The following ANGPT1 variants were observed in gnomAD, a reference collection of about 807,000 sequenced individuals.
ANGPT1 encodes the protein angiopoietin 1.
In ANGPT1, 17 loss-of-function variants were observed where a neutral mutation model predicts 62.2. That is an observed-to-expected ratio of 0.27 (90% CI 0.19 to 0.41). The LOEUF (loss-of-function observed/expected upper bound fraction) is 0.41. ANGPT1 is among the 10% of genes least tolerant of loss of function. The pLI is 1.00. For missense variants in ANGPT1, 478 were observed against 594.9 expected (o/e 0.80, Z 2.04); for synonymous variants, 199 against 198.9 (o/e 1.00, Z 0.00).
intron 1 of ANGPT1, among the ~76,000 whole-genome samples, chr8:107,488,388 G>A (rs567913513): frequency 1.3e-5 from 2 of 152,080 alleles, no homozygotes; most frequent in Non-Finnish European, 2.9e-5. Context: ...GATGCCCTGC[G>A]GAATGCTCTT....
intron 2 of ANGPT1, among the ~76,000 whole-genome samples, chr8:107,341,427 T>G (rs1252925531): frequency 6.6e-6 from 1 of 152,002 alleles, no homozygotes. Context: ...TTAAATGGAC[T>G]ATTAAATCTT....
chr8:107,336,311 G>T (rs764703162), intron 2 of ANGPT1, 40 bp from the exon 3 acceptor site: 3 of 1,548,978 alleles, frequency 1.9e-6, no homozygotes, highest in South Asian at 2.5e-5. Flanking sequence ...CTTCAGTCAC[G>T]AATCAAAGAA....
At chr8:107,386,347 A>C (rs868412615) in intron 1 of ANGPT1, among the ~76,000 whole-genome samples, 1 of 152,092 alleles carries the variant, frequency 6.6e-6, no homozygotes, top group Non-Finnish European at 1.5e-5. Flanking sequence ...GCAACATGCA[A>C]TTTACCCATG....
chr8:107,387,218 T>A (rs998018524), intron 1 of ANGPT1, among the ~76,000 whole-genome samples: 1 of 152,046 alleles, frequency 6.6e-6, no homozygotes, highest in Non-Finnish European at 1.5e-5. Context: ...ATACTAAGGA[T>A]CAAAGGTGCC....
intron 1 of ANGPT1, among the ~76,000 whole-genome samples, chr8:107,373,106 C>T (rs1292696153): frequency 6.6e-6 from 1 of 152,134 alleles, no homozygotes; most frequent in Non-Finnish European, 1.5e-5. Flanking sequence ...GCTGTCAGAA[C>T]TAAATTTACA....
intron 1 of ANGPT1, among the ~76,000 whole-genome samples, chr8:107,460,980 C>T (rs1812056048): frequency 6.6e-6 from 1 of 152,062 alleles, no homozygotes; most frequent in African/African-American, 2.4e-5. Flanking sequence ...GCCTGACTCT[C>T]CAAGGGTACT....
intron 1 of ANGPT1, among the ~76,000 whole-genome samples, chr8:107,387,263 T>C (rs1328124975): frequency 6.6e-6 from 1 of 152,106 alleles, no homozygotes; most frequent in African/African-American, 2.4e-5. Context: ...GACCTGAAGA[T>C]ATTCTCCAAG....
intron 1 of ANGPT1, among the ~76,000 whole-genome samples, chr8:107,375,469 A>C (rs1219245437): frequency 6.6e-6 from 1 of 152,124 alleles, no homozygotes; most frequent in Admixed American, 6.5e-5. Context: ...CAGAGCTCTC[A>C]AATTTTGCTG....
chr8:107,392,135 T>C (rs1816848043), intron 1 of ANGPT1, among the ~76,000 whole-genome samples: 2 of 152,200 alleles, frequency 1.3e-5, no homozygotes, highest in South Asian at 4.1e-4. Flanking sequence ...TTTATGTTTA[T>C]ACATATAAAT....
At chr8:107,447,635 C>T (rs1563626846) in intron 1 of ANGPT1, among the ~76,000 whole-genome samples, 1 of 152,202 alleles carries the variant, frequency 6.6e-6, no homozygotes, top group Non-Finnish European at 1.5e-5. Context: ...CCACTTAAAA[C>T]TGCACAGGCA....
At chr8:107,482,433 C>A (rs1185759091) in intron 1 of ANGPT1, among the ~76,000 whole-genome samples, 2 of 152,166 alleles carry the variant, frequency 1.3e-5, no homozygotes, top group Non-Finnish European at 2.9e-5. Context: ...GACTCACTAA[C>A]CACAGCACCT....
At chr8:107,279,291 G>C (rs1813940437) in intron 7 of ANGPT1, among the ~76,000 whole-genome samples, 1 of 152,124 alleles carries the variant, frequency 6.6e-6, no homozygotes, top group South Asian at 2.1e-4. Context: ...AAATTTTTGA[G>C]CTACAAGGTG....
chr8:107,397,004 G>A (rs1392000913), intron 1 of ANGPT1, among the ~76,000 whole-genome samples: 1 of 152,098 alleles, frequency 6.6e-6, no homozygotes, highest in African/African-American at 2.4e-5. Flanking sequence ...AAAGAAGAAA[G>A]GGATGCTGGG....
At chr8:107,478,850 T>C (rs759529916) in intron 1 of ANGPT1, among the ~76,000 whole-genome samples, 1 of 152,078 alleles carries the variant, frequency 6.6e-6, no homozygotes, top group Non-Finnish European at 1.5e-5. Context: ...TGAAATAAAA[T>C]AATATCCTAA....
intron 1 of ANGPT1, among the ~76,000 whole-genome samples, chr8:107,436,148 C>A (rs1811326429): frequency 6.6e-6 from 1 of 152,136 alleles, no homozygotes; most frequent in African/African-American, 2.4e-5. Flanking sequence ...ACTAGCAATC[C>A]CCCTGCCTTG....
chr8:107,373,170 G>A (rs1338569835), intron 1 of ANGPT1, among the ~76,000 whole-genome samples: 1 of 152,052 alleles, frequency 6.6e-6, no homozygotes, highest in Non-Finnish European at 1.5e-5. Context: ...CTTTGACAAA[G>A]TGTAAATCCT....
intron 7 of ANGPT1, among the ~76,000 whole-genome samples, chr8:107,282,410 T>C (rs1036368544): frequency 2.5e-5 from 3 of 120,004 alleles, no homozygotes; most frequent in Admixed American, 9.4e-5. Flanking sequence ...ATTATATATA[T>C]GAGGCTCATA....
intron 1 of ANGPT1, among the ~76,000 whole-genome samples, chr8:107,470,927 A>G (rs952099106): frequency 5.3e-5 from 8 of 152,192 alleles, no homozygotes; most frequent in African/African-American, 1.9e-4. Flanking sequence ...GAGAAGTAGG[A>G]ACACTTTTAC....
chr8:107,307,202 TTTTC>T (rs1380468547), intron 4 of ANGPT1, among the ~76,000 whole-genome samples: 2 of 152,082 alleles, frequency 1.3e-5, no homozygotes, highest in Non-Finnish European at 1.5e-5. Context: ...CGAGCCTCCC[TTTTC>T]TTTCTTCTTA....
Sources: allele counts gnomAD v4.1 joint callset (sites outside exome capture counted in the v4.1 genomes callset), GRCh38; gene constraint gnomAD v4.1.1; transcripts MANE v1.5; gene names NCBI Gene and HGNC (gene_info 2026-07-23, HGNC 2026-07-21).